EARS2: variants seen among roughly 807,000 people sequenced by gnomAD.
EARS2 encodes nondiscriminating glutamyl-tRNA synthetase EARS2, mitochondrial.
A neutral mutation model predicts 54.1 loss-of-function variants in EARS2; 50 were observed. That is an observed-to-expected ratio of 0.92 (90% CI 0.74 to 1.17). EARS2 has a LOEUF of 1.17. EARS2 is among the 50% of genes most tolerant of loss of function. The pLI is 0.00. For synonymous variants in EARS2, 298 were observed against 281.0 expected (o/e 1.06, Z -0.61); for missense variants, 673 against 675.0 (o/e 1.00, Z 0.03).
intron 1 of EARS2, among the ~76,000 whole-genome samples, chr16:23,553,369 G>A (rs1965726985): frequency 6.6e-6 from 1 of 152,124 alleles, no homozygotes; most frequent in Non-Finnish European, 1.5e-5. Context: ...TATTCATTGA[G>A]GCCATATCAT....
chr16:23,548,445 C>T (rs746069694), intron 2 of EARS2, among the ~76,000 whole-genome samples: 10 of 152,134 alleles, frequency 6.6e-5, no homozygotes, highest in Admixed American at 1.3e-4. Context: ...AGGAATTCCA[C>T]GAGGGTGGGA....
chr16:23,543,947 A>G (rs1256072615), intron 3 of EARS2, among the ~76,000 whole-genome samples: 1 of 152,134 alleles, frequency 6.6e-6, no homozygotes, highest in Non-Finnish European at 1.5e-5. Flanking sequence ...AATGAATCTC[A>G]TGTTTAGACT....
chr16:23,533,652 G>C (rs548591942), intron 4 of EARS2, among the ~76,000 whole-genome samples: 10 of 152,258 alleles, frequency 6.6e-5, no homozygotes, highest in Non-Finnish European at 1.3e-4. Flanking sequence ...ACGAGCTGCA[G>C]AACAGTACGC....
chr16:23,532,621 C>T (rs1198792143), intron 5 of EARS2, 36 bp downstream of exon 5: 2 of 1,542,364 alleles, frequency 1.3e-6, no homozygotes, highest in African/African-American at 2.7e-5. Flanking sequence ...CAAGAAAGCC[C>T]TTTGCCACCA....
intron 4 of EARS2, among the ~76,000 whole-genome samples, chr16:23,533,082 C>T (rs1448963005): frequency 1.3e-5 from 2 of 152,052 alleles, no homozygotes; most frequent in African/African-American, 4.8e-5. Flanking sequence ...GTCAGGAGTT[C>T]GAGACTGGCC....
intron 7 of EARS2, among the ~76,000 whole-genome samples, chr16:23,527,787 T>C (rs1490644722): frequency 6.6e-6 from 1 of 152,120 alleles, no homozygotes; most frequent in African/African-American, 2.4e-5. Flanking sequence ...TCTCCTGACC[T>C]CGTGATCGGC....
intron 2 of EARS2, chr16:23,550,830 CTTTT>C (rs994715499): frequency 1.3e-5 from 2 of 151,338 alleles, no homozygotes; most frequent in Non-Finnish European, 2.9e-5. Flanking sequence ...GTTTTTCTTT[CTTTT>C]TTTTTCAATC....
chr16:23,553,791 G>A (rs1567392040), intron 1 of EARS2, among the ~76,000 whole-genome samples: 2 of 151,904 alleles, frequency 1.3e-5, no homozygotes, highest in South Asian at 2.1e-4. Flanking sequence ...AGCTACTTGG[G>A]AGGTTGAGGC....
chr16:23,553,580 G>A (rs1242285039), intron 1 of EARS2, among the ~76,000 whole-genome samples: 4 of 151,754 alleles, frequency 2.6e-5, no homozygotes, highest in African/African-American at 9.7e-5. Flanking sequence ...AACATTGTGA[G>A]ATCCTGTCTC....
chr16:23,525,407 C>T (rs772398367), intron 7 of EARS2, 28 bp from the exon 8 acceptor site: 11 of 1,598,038 alleles, frequency 6.9e-6, no homozygotes, highest in Non-Finnish European at 9.4e-6. Flanking sequence ...GTTTACAGGG[C>T]CTGCATGGGC....
chr16:23,539,042 A>G (rs1010046762), intron 3 of EARS2, among the ~76,000 whole-genome samples: 3 of 140,450 alleles, frequency 2.1e-5, no homozygotes, highest in Non-Finnish European at 4.5e-5. Flanking sequence ...CAGTGGCACA[A>G]TCTCAGCTCA....
intron 1 of EARS2, among the ~76,000 whole-genome samples, chr16:23,555,757 C>T (rs908605994): frequency 4.6e-5 from 7 of 152,296 alleles, no homozygotes; most frequent in Middle Eastern, 3.4e-3. Flanking sequence ...GGCACGATCT[C>T]GGCTCACTGC....
intron 3 of EARS2, among the ~76,000 whole-genome samples, chr16:23,541,013 A>C (rs1377210984): frequency 2.0e-5 from 3 of 151,276 alleles, no homozygotes; most frequent in African/African-American, 7.3e-5. Flanking sequence ...AAATAAATAA[A>C]TAACATAAAG....
chr16:23,529,170 C>G (rs1053910208), intron 7 of EARS2, among the ~76,000 whole-genome samples: 1 of 152,240 alleles, frequency 6.6e-6, no homozygotes, highest in African/African-American at 2.4e-5. Context: ...CATCATCTCT[C>G]TCTCACTGAG....
Position 23,557,276 on chromosome 16 carries a change from C to T in EARS2, c.68G>A (p.Gly23Glu). The T allele has an allele frequency of 6.6e-7, 1 of 1,521,156 alleles. No individual in the cohort carries two copies. Among genetic ancestry groups the T allele is most frequent in the Non-Finnish European group, 8.7e-7 (1 of 1,145,840 alleles). The allele number at this position is 1,521,156 out of a possible 1,614,324, so 94.2% of individuals were successfully genotyped here. Residue 23 changes from glycine (G) to glutamate (E), a missense_variant, in exon 1 of 9, where the codon GGA becomes GAA. By Grantham distance (98) the Gly-to-Glu change is moderately conservative. Around this residue, in one of 3 missense-constraint regions of EARS2, gnomAD observed 316 missense variants for 275.2 expected, o/e 1.15. Transcript: ENST00000449606. ...AGTGCCCAGGTTGGCCTCGCGCCGTCCTACGGGGCGGCCAGAGGCCGCCGA... is the reference window on the plus strand; with the variant it reads ...AGTGCCCAGGTTGGCCTCGCGCCGTTCTACGGGGCGGCCAGAGGCCGCCGA... ...RPSAASGRPV[G>E]RREANLGTDA...
Position 23,544,475 on chromosome 16 carries a change from A to G in EARS2, c.485+39T>C, listed in dbSNP as rs761528771. The G allele has an allele frequency of 2.5e-6, 4 of 1,589,244 alleles. No individual in the cohort carries two copies. In the African/African-American group the frequency reaches 4.0e-5, roughly 16 times the overall value. ...GCAGCACAAGGTAACAAACACACCC[A>G]ATGTTGATGAGGCATCTGCAACAAG... On this transcript the variant is annotated intron_variant, in intron 3 of 8. Transcript: ENST00000449606.
In EARS2 at chr16:23,529,637, G is replaced by A. The variant is rs1965289918; in HGVS notation, c.1222-5C>T. The A allele has an allele frequency of 6.2e-7, 1 of 1,614,018 alleles. No homozygotes were observed. Among genetic ancestry groups the A allele is most frequent in the South Asian group, 1.1e-5 (1 of 91,084 alleles). ...CTGCAGGCGGCAAATGTGACCCTGG[G>A]GAAGGAGGCAGTCATTGAATGCACT... On this transcript the variant is annotated splice_region_variant and splice_polypyrimidine_tract_variant and intron_variant, in intron 6 of 8. Coordinates refer to ENST00000449606, the MANE Select transcript of EARS2 (RefSeq NM_001083614.2).
chr16:23,543,486 G>A (rs892174837), intron 3 of EARS2, among the ~76,000 whole-genome samples: 3 of 151,252 alleles, frequency 2.0e-5, no homozygotes, highest in Admixed American at 1.3e-4. Context: ...GGTGGTTTAC[G>A]CCTATAATCC....
chr16:23,545,418 G>A (rs1461270871), intron 2 of EARS2, among the ~76,000 whole-genome samples: 1 of 152,132 alleles, frequency 6.6e-6, no homozygotes, highest in Non-Finnish European at 1.5e-5. Flanking sequence ...CTGTGACAAG[G>A]GATCCTGAGG....
Sources: gnomAD v4.1 joint callset for allele counts (sites outside exome capture counted in the v4.1 genomes callset) on GRCh38, gnomAD v4.1.1 for gene constraint, gnomAD v4.1.1 regional missense constraint, MANE v1.5 for transcripts, NCBI Gene and HGNC (gene_info 2026-07-23, HGNC 2026-07-21) for gene names.